Variants in TMEM132D observed in about 807,000 individuals in gnomAD.
TMEM132D encodes mature OL transmembrane protein.
A neutral mutation model predicts 62.3 loss-of-function variants in TMEM132D; 21 were observed. That is an observed-to-expected ratio of 0.34 (90% CI 0.24 to 0.49). The LOEUF is 0.49. TMEM132D is among the 20% of genes least tolerant of loss of function. TMEM132D has a pLI of 0.99. For missense variants in TMEM132D, 1,346 were observed against 1,402.8 expected (o/e 0.96, Z 0.65); for synonymous variants, 621 against 575.6 (o/e 1.08, Z -1.13).
At chr12:129,203,582 A>T (rs961699471) in intron 5 of TMEM132D, among the ~76,000 whole-genome samples, 1 of 152,224 alleles carries the variant, frequency 6.6e-6, no homozygotes, top group Non-Finnish European at 1.5e-5. Flanking sequence ...TTCTAGCTCA[A>T]TGGTCCTACT....
At chr12:129,334,642 T>C (rs1261811440) in intron 4 of TMEM132D, among the ~76,000 whole-genome samples, 1 of 152,206 alleles carries the variant, frequency 6.6e-6, no homozygotes, top group Non-Finnish European at 1.5e-5. Context: ...AGATGAAGTA[T>C]TGCTCTATCA....
chr12:129,902,492 C>G (rs1221238345), intron 1 of TMEM132D, among the ~76,000 whole-genome samples: 1 of 152,250 alleles, frequency 6.6e-6, no homozygotes, highest in East Asian at 1.9e-4. Context: ...AGCTTCCAAA[C>G]TTGCTCTTCC....
intron 3 of TMEM132D, among the ~76,000 whole-genome samples, chr12:129,370,117 T>C (rs1870548914): frequency 6.6e-6 from 1 of 152,206 alleles, no homozygotes; most frequent in South Asian, 2.1e-4. Context: ...CAAATCTAGT[T>C]CTCAAACATT....
chr12:129,445,387 A>G lies in TMEM132D; in HGVS notation c.1115+85672T>C, dbSNP rs76849725. On this transcript the variant is annotated intron_variant, in intron 3 of 8. Transcript: ENST00000422113. ...AGGCTTAATACCCGAGTGACTGAAT[A>G]ATCTCCACAACAAACCCCCAAGATA... is the stretch of plus-strand genomic sequence containing the variant. 6.2e-3 allele frequency among the ~76,000 whole-genome samples: 948 copies of G among 152,192 alleles called. 9 individuals carry two copies. The highest frequency in any genetic ancestry group is 7.7e-3 in the Non-Finnish European group (521 of 67,992).
chr12:129,899,057 G>C (rs923728287), intron 1 of TMEM132D, among the ~76,000 whole-genome samples: 1 of 152,216 alleles, frequency 6.6e-6, no homozygotes, highest in Non-Finnish European at 1.5e-5. Flanking sequence ...AATAGTTCCT[G>C]CTGAGCTCTG....
At chr12:129,088,188 GGGGTGTCCTCCATGACC>G in intron 5 of TMEM132D, among the ~76,000 whole-genome samples, 2 of 41,140 alleles carry the variant, frequency 4.9e-5, no homozygotes, top group Non-Finnish European at 4.4e-5. Context: ...CTCCCTGACC[GGGGTGTCCTCCATGACC>G]GGGTGTCCTC....
At chr12:129,503,570 C>A (rs1203392219) in intron 3 of TMEM132D, among the ~76,000 whole-genome samples, 1 of 152,138 alleles carries the variant, frequency 6.6e-6, no homozygotes, top group East Asian at 1.9e-4. Context: ...TATTTTAAAT[C>A]TAGAATCTGC....
At chr12:129,170,199 T>C (rs1877682211) in intron 5 of TMEM132D, 1 of 152,184 alleles carries the variant, frequency 6.6e-6, no homozygotes, top group South Asian at 2.1e-4. Context: ...GCTCTTACCA[T>C]ATGCAAACTG....
At chr12:129,325,889 T>C (rs912586851) in intron 4 of TMEM132D, among the ~76,000 whole-genome samples, 6 of 152,214 alleles carry the variant, frequency 3.9e-5, no homozygotes, top group Non-Finnish European at 7.3e-5. Context: ...AGCTCGACAC[T>C]GTCCAGTGGA....
intron 3 of TMEM132D, among the ~76,000 whole-genome samples, chr12:129,381,581 T>G (rs555414771): frequency 6.6e-6 from 1 of 152,340 alleles, no homozygotes; most frequent in Admixed American, 6.5e-5. Context: ...GTTGCGAGAT[T>G]TTCCCCAACA....
chr12:129,237,894 C>T (rs929297374), intron 4 of TMEM132D, among the ~76,000 whole-genome samples: 10 of 152,222 alleles, frequency 6.6e-5, no homozygotes, highest in Middle Eastern at 3.4e-3. Flanking sequence ...GCAGGAGAAT[C>T]GCTTGAACTC....
At chr12:129,747,534 A>C (rs550440667) in intron 1 of TMEM132D, among the ~76,000 whole-genome samples, 24 of 147,894 alleles carry the variant, frequency 1.6e-4, no homozygotes, top group Non-Finnish European at 3.3e-4. Context: ...ACATTCAGAC[A>C]CACACACTCT....
chr12:129,824,283 A>G (rs1360274221), intron 1 of TMEM132D, among the ~76,000 whole-genome samples: 2 of 152,208 alleles, frequency 1.3e-5, no homozygotes, highest in African/African-American at 4.8e-5. Context: ...AGGCTCCATC[A>G]TCAACATTTC....
At chr12:129,890,067 TGTGA>T (rs1874871668) in intron 1 of TMEM132D, among the ~76,000 whole-genome samples, 1 of 152,206 alleles carries the variant, frequency 6.6e-6, no homozygotes, top group Non-Finnish European at 1.5e-5. Flanking sequence ...TGAGTATTTC[TGTGA>T]GTATGATGAG....
chr12:129,084,739 T>G, intron 5 of TMEM132D, 37 bp from the exon 6 acceptor site: 1 of 1,600,738 alleles, frequency 6.2e-7, no homozygotes, highest in Non-Finnish European at 8.5e-7. Flanking sequence ...GAGGGAAAGG[T>G]GAGCTTTCAT....
chr12:129,545,356 C>T (rs924601097), intron 2 of TMEM132D, among the ~76,000 whole-genome samples: 4 of 152,094 alleles, frequency 2.6e-5, no homozygotes, highest in Admixed American at 6.5e-5. Context: ...CTCTGCTAGC[C>T]CACTTTTTAA....
intron 2 of TMEM132D, among the ~76,000 whole-genome samples, chr12:129,637,920 C>G (rs1307615667): frequency 2.0e-5 from 3 of 152,114 alleles, no homozygotes; most frequent in African/African-American, 2.4e-5. Context: ...GGTACTAAAC[C>G]ATTCATGGAA....
chr12:129,447,519 T>C (rs1873134762), intron 3 of TMEM132D, among the ~76,000 whole-genome samples: 1 of 152,142 alleles, frequency 6.6e-6, no homozygotes, highest in Non-Finnish European at 1.5e-5. Context: ...TACTCTCCCA[T>C]GAAGAATAAC....
At chr12:129,849,820 A>G (rs1168280626) in intron 1 of TMEM132D, among the ~76,000 whole-genome samples, 1 of 152,236 alleles carries the variant, frequency 6.6e-6, no homozygotes, top group East Asian at 1.9e-4. Context: ...GTTGAATCAG[A>G]AAATGTTCAG....
Sources: gnomAD v4.1 joint callset for allele counts (sites outside exome capture counted in the v4.1 genomes callset) on GRCh38, gnomAD v4.1.1 for gene constraint, MANE v1.5 for transcripts, NCBI Gene and HGNC (gene_info 2026-07-23, HGNC 2026-07-21) for gene names.